Variants in ABR observed in about 807,000 individuals in gnomAD.
ABR encodes the protein active breakpoint cluster region-related protein.
In ABR, 35 loss-of-function variants were observed where a neutral mutation model predicts 107.2. The observed-to-expected ratio is 0.33, with a 90% CI of 0.25 to 0.43. The LOEUF (loss-of-function observed/expected upper bound fraction) is 0.43, where lower values mean the gene tolerates loss of function less well. ABR is among the 20% of genes least tolerant of loss of function. The pLI is 1.00. For missense variants in ABR, 815 were observed against 1,115.2 expected (o/e 0.73, Z 3.83); for synonymous variants, 498 against 462.0 (o/e 1.08, Z -1.00).
rs1597553706 is a variant in ABR, at chr17:1,050,911, A to C, written c.1562-277T>G. Among the ~76,000 whole-genome samples, 2 of 139,938 alleles carry C rather than the reference A, an allele frequency of 1.4e-5. No individual in the cohort carries two copies. Among genetic ancestry groups the C allele is most frequent in the African/African-American group, 2.7e-5 (1 of 37,050 alleles). The allele number at this position is 139,938 out of a possible 152,430, so 91.8% of individuals were successfully genotyped here. ...CCCTTCCCACCTCGGCCCTCCCCAC[A>C]CTCTGCCCTTCCCACCTCGGCCCTC... On this transcript the variant is annotated intron_variant, in intron 14 of 22. Transcript: ENST00000302538. This position sits in a 1 kb window ranked among gnomAD's most constrained non-coding sequence, Gnocchi z 4.6.
At chr17:1,031,652 G>A in intron 16 of ABR, 1 of 1,257,104 alleles carries the variant, frequency 8.0e-7, no homozygotes. Flanking sequence ...CGCCGGTGTT[G>A]GGGGGGCGCT....
Position 1,110,251 on chromosome 17 carries a change from T to C in ABR, c.247-9516A>G, listed in dbSNP as rs535757672. Among the ~76,000 whole-genome samples, 13 of 152,032 alleles carry C rather than the reference T, an allele frequency of 8.6e-5. No individual in the cohort carries two copies. The South Asian group carries it at 2.7e-3, about 32-fold the overall frequency. On this transcript the variant is annotated intron_variant, in intron 2 of 22. Transcript: ENST00000302538. ...CCTGGCCCTAGTTCCCAGATGCACATACACCTCCTTCCATGGGAGGAGGAG... is the reference window on the plus strand; with the variant it reads ...CCTGGCCCTAGTTCCCAGATGCACACACACCTCCTTCCATGGGAGGAGGAG...
intron 1 of ABR, among the ~76,000 whole-genome samples, chr17:1,208,616 C>T (rs530132069): frequency 1.3e-5 from 2 of 152,342 alleles, no homozygotes; most frequent in South Asian, 4.1e-4. Flanking sequence ...CGGCCGGGCA[C>T]AGTGGCTCAC....
chr17:1,009,659 T>G lies in ABR; in HGVS notation c.2342+20A>C. The G allele has an allele frequency of 6.2e-7, 1 of 1,601,180 alleles. No individual in the cohort carries two copies. The highest frequency in any genetic ancestry group is 8.6e-7 in the Non-Finnish European group (1 of 1,168,696). ...ATGAGGAGGGACTGAGGAGGTGGGG[T>G]TGGGGCCGCTCCCCGTTACCTTTTC... On this transcript the variant is annotated intron_variant, in intron 21 of 22. Transcript: ENST00000302538.
chr17:1,103,793 G>T (rs992776455), intron 2 of ABR, among the ~76,000 whole-genome samples: 2 of 152,150 alleles, frequency 1.3e-5, no homozygotes, highest in African/African-American at 4.8e-5. Flanking sequence ...GAGAGCGTAC[G>T]GATGGGAAAT....
At chr17:1,101,591 C>G (rs74435439) in intron 2 of ABR, among the ~76,000 whole-genome samples, 1,730 of 152,220 alleles carry the variant, frequency 0.011, 30 homozygotes, top group East Asian at 0.086. Flanking sequence ...CTTGGGGATT[C>G]CACTGGGCTA....
chr17:1,056,096 T>C lies in ABR; in HGVS notation c.1500A>G (p.Pro500=). 1 of 1,614,154 alleles carries C rather than the reference T, an allele frequency of 6.2e-7. No individual in the cohort carries two copies. Residue 500 remains proline, a synonymous_variant, in exon 14 of 23, where the codon CCA becomes CCG. Transcript: ENST00000302538. ...VTSNKDDDES[P]GLYGFLHVIV... ...TGACATGAAGGAAGCCATAGAGTCC[T>C]GGAGACTCATCGTCTGCAAGAGAGA...
intron 5 of ABR, among the ~76,000 whole-genome samples, chr17:1,080,610 G>A (rs2036155492): frequency 6.6e-6 from 1 of 152,110 alleles, no homozygotes; most frequent in African/African-American, 2.4e-5. Context: ...CCCAGGTGAT[G>A]AGGCCAAGGT....
intron 1 of ABR, among the ~76,000 whole-genome samples, chr17:1,158,342 C>T (rs1055022660): frequency 5.9e-5 from 9 of 151,728 alleles, no homozygotes; most frequent in African/African-American, 9.7e-5. Flanking sequence ...GCAATCCAGC[C>T]GCCTCGGCCT....
intron 2 of ABR, among the ~76,000 whole-genome samples, chr17:1,123,150 G>A (rs73975639): frequency 0.019 from 2,962 of 152,106 alleles, 91 homozygotes; most frequent in African/African-American, 0.067. Flanking sequence ...AGGTGGGGCC[G>A]GTGACCCAGC....
intron 13 of ABR, 32 bp from the exon 14 acceptor site, chr17:1,056,141 G>A (rs1221053397): frequency 6.3e-7 from 1 of 1,599,992 alleles, no homozygotes. Flanking sequence ...AGGGCAGAGG[G>A]TGGTCAGCGG....
chr17:1,215,546 T>C (rs1327568699), intron 1 of ABR, among the ~76,000 whole-genome samples: 1 of 152,168 alleles, frequency 6.6e-6, no homozygotes, highest in Non-Finnish European at 1.5e-5. Context: ...GAGTGCTCAA[T>C]GGTGCCCAGG....
intron 10 of ABR, among the ~76,000 whole-genome samples, chr17:1,064,210 G>C (rs2034409252): frequency 7.7e-6 from 1 of 129,398 alleles, no homozygotes. Context: ...TACGTGAACT[G>C]AGGGCTATGC....
chr17:1,215,948 T>C (rs1412313880), intron 1 of ABR, among the ~76,000 whole-genome samples: 1 of 140,052 alleles, frequency 7.1e-6, no homozygotes, highest in African/African-American at 2.6e-5. Context: ...GTGCAAGATG[T>C]GCTTTGTTAA....
chr17:1,227,783 G>A (rs550780361), intron 1 of ABR, among the ~76,000 whole-genome samples: 5 of 152,076 alleles, frequency 3.3e-5, no homozygotes, highest in Admixed American at 2.0e-4. Context: ...GGGCTCCCAC[G>A]CCACCCCCAT....
chr17:1,157,837 T>G lies in ABR; in HGVS notation c.61+21830A>C, dbSNP rs547928062. ...CCACGATGGGGTGCACTCAGCCCCG[T>G]ATCATTCATGCTGCAGGTCAGCCTA... is the stretch of plus-strand genomic sequence containing the variant. On this transcript the variant is annotated intron_variant, in intron 1 of 22. Transcript: ENST00000302538. This position sits in a 1 kb window ranked among gnomAD's most constrained non-coding sequence, Gnocchi z 4.7. Among the ~76,000 whole-genome samples the G allele has an allele frequency of 6.6e-6, 1 of 152,372 alleles. No homozygotes were observed. Among genetic ancestry groups the G allele is most frequent in the African/African-American group, 2.4e-5 (1 of 41,594 alleles).
intron 1 of ABR, among the ~76,000 whole-genome samples, chr17:1,168,797 A>G (rs1032695410): frequency 2.7e-4 from 41 of 152,212 alleles, no homozygotes; most frequent in African/African-American, 8.4e-4. Flanking sequence ...CTGACAGCCA[A>G]TGTGCGTTCC....
At chr17:1,174,879 G>T (rs1219823157) in intron 1 of ABR, among the ~76,000 whole-genome samples, 1 of 152,096 alleles carries the variant, frequency 6.6e-6, no homozygotes, top group African/African-American at 2.4e-5. Flanking sequence ...GGTGCCAGAT[G>T]ATCAACCTGC....
chr17:1,058,170 G>A (rs1403800414), intron 11 of ABR, 125 bp from the exon 12 acceptor site: 50 of 479,172 alleles, frequency 1.0e-4, no homozygotes, highest in Non-Finnish European at 1.4e-4. Context: ...ACAGAGTCTC[G>A]CTCTTGTTGC....
Sources: allele counts gnomAD v4.1 joint callset (sites outside exome capture counted in the v4.1 genomes callset), GRCh38; gene constraint gnomAD v4.1.1; non-coding constraint Gnocchi (gnomAD v3.1); transcripts MANE v1.5; gene names NCBI Gene and HGNC (gene_info 2026-07-23, HGNC 2026-07-21).